ANKRD36B: variants seen among roughly 807,000 people sequenced by gnomAD.
ANKRD36B encodes the protein ankyrin repeat domain 36B, also known as ankyrin repeat domain-containing protein 36B.
Under a neutral mutation model 135.7 loss-of-function variants are expected in ANKRD36B, and 37 were observed. The ratio of observed to expected loss-of-function variants is 0.27; its 90% CI spans 0.21 to 0.36. The LOEUF is 0.36. ANKRD36B is among the 10% of genes least tolerant of loss of function. The probability of loss-of-function intolerance (pLI) is 1.00; values close to 1 mark genes in which losing one functional copy is unlikely to be tolerated. For synonymous variants in ANKRD36B, 179 were observed against 348.1 expected (o/e 0.51, Z 5.41); for missense variants, 549 against 1,037.1 (o/e 0.53, Z 6.46).
chr2:97,568,176 T>C (rs1306451742), intron 6 of ANKRD36B, among the ~76,000 whole-genome samples: 1 of 152,026 alleles, frequency 6.6e-6, no homozygotes, highest in Non-Finnish European at 1.5e-5. Context: ...ATTGTACACA[T>C]AGAGTTCAGC....
chr2:97,588,373 A>G (rs1270869025), intron 1 of ANKRD36B, among the ~76,000 whole-genome samples: 1 of 151,936 alleles, frequency 6.6e-6, no homozygotes, highest in Admixed American at 6.6e-5. Context: ...CAAAAACCGC[A>G]ATTGCTTTTG....
intron 20 of ANKRD36B, among the ~76,000 whole-genome samples, chr2:97,548,058 C>G (rs553734877): frequency 5.3e-5 from 8 of 151,782 alleles, no homozygotes; most frequent in African/African-American, 1.9e-4. Context: ...ACTCATACAC[C>G]TGAGAATCAA....
Position 97,528,539 on chromosome 2 carries a change from G to T in ANKRD36B, c.2265+3772C>A, listed in dbSNP as rs2078358239. Among the ~76,000 whole-genome samples the T allele has an allele frequency of 2.2e-5, 2 of 91,556 alleles. 1 individual carries two copies. Among genetic ancestry groups the T allele is most frequent in the Non-Finnish European group, 5.8e-5 (2 of 34,552 alleles). 60.1% of individuals were successfully genotyped at this position (91,556 alleles called of 152,430 possible). A position where few individuals can be genotyped will look rare whatever the true frequency, so the allele number is the denominator to read the frequency against. On this transcript the variant is annotated intron_variant, in intron 35 of 43. Transcript: ENST00000359901. ...ACATTCAAAAGCTAGCAGAAGGCAA[G>T]AAATAACTAAAATCAGAGCAGAACT... is the stretch of plus-strand genomic sequence containing the variant.
rs1361853983 is a variant in ANKRD36B at position 97,539,156 on chromosome 2, A to T, written c.1988-793T>A. On this transcript the variant is annotated intron_variant, in intron 30 of 43. Coordinates refer to ENST00000359901, the MANE Select transcript of ANKRD36B (RefSeq NM_001393939.1). ...ACATTTGGAAATCACTACAATATTC[A>T]TTGAAAATAACAATTTTAAAAGTCA... 1.0e-4 allele frequency among the ~76,000 whole-genome samples: 10 copies of T among 97,736 alleles called. 3 individuals carry two copies. The highest frequency in any genetic ancestry group is 3.1e-4 in the African/African-American group (10 of 32,678). The allele number at this position is 97,736 out of a possible 152,430, so 64.1% of individuals were successfully genotyped here. A position where few individuals can be genotyped will look rare whatever the true frequency, so the allele number is the denominator to read the frequency against.
chr2:97,551,201 G>A, intron 18 of ANKRD36B, 88 bp downstream of exon 18: 2 of 1,491,886 alleles, frequency 1.3e-6, no homozygotes, highest in South Asian at 1.2e-5. Flanking sequence ...AGAATGTGCA[G>A]CTTCGACCAG....
Position 97,553,050 on chromosome 2 carries a change from G to A in ANKRD36B, c.1273+118C>T. ...ACAAATGAAGACTCTCAGACCTGCT[G>A]GATCAGAATGTGCAGCTTCAGCGAG... On this transcript the variant is annotated intron_variant, in intron 16 of 43. Coordinates refer to ENST00000359901, the MANE Select transcript of ANKRD36B (RefSeq NM_001393939.1). 5.6e-6 allele frequency: 7 copies of A among 1,247,432 alleles called. No homozygotes were observed. In the South Asian group the frequency reaches 9.7e-5, roughly 17 times the overall value. 77.3% of individuals were successfully genotyped at this position (1,247,432 alleles called of 1,614,324 possible).
chr2:97,494,128 C>A (rs533216920), intron 43 of ANKRD36B, among the ~76,000 whole-genome samples: 1 of 106,226 alleles, frequency 9.4e-6, no homozygotes, highest in African/African-American at 2.6e-5. Context: ...AGCAAAACCC[C>A]ACTCCTTGGT....
intron 6 of ANKRD36B, among the ~76,000 whole-genome samples, chr2:97,574,078 A>G (rs2082065845): frequency 6.6e-6 from 1 of 152,202 alleles, no homozygotes; most frequent in Non-Finnish European, 1.5e-5. Context: ...CAGCAAAAGA[A>G]ACTACCATCA....
intron 24 of ANKRD36B, among the ~76,000 whole-genome samples, chr2:97,544,505 T>C (rs1316505298): frequency 1.0e-5 from 1 of 95,264 alleles, no homozygotes; most frequent in Non-Finnish European, 2.8e-5. Flanking sequence ...GTGTCCTAAA[T>C]TGATCAGCTT....
chr2:97,584,353 CAA>C (rs2082828687), intron 3 of ANKRD36B, among the ~76,000 whole-genome samples: 2 of 117,132 alleles, frequency 1.7e-5, no homozygotes, highest in Non-Finnish European at 3.3e-5. Context: ...AAACAAACAA[CAA>C]AACACACAAA....
At chr2:97,554,373 AT>A (rs775160355) in intron 14 of ANKRD36B, among the ~76,000 whole-genome samples, 96 of 152,114 alleles carry the variant, frequency 6.3e-4, no homozygotes, top group Non-Finnish European at 1.1e-3. Context: ...AACAAAAGAT[AT>A]ATATCTTATG....
intron 6 of ANKRD36B, among the ~76,000 whole-genome samples, chr2:97,572,279 C>A (rs2081930373): frequency 1.1e-5 from 1 of 90,846 alleles, no homozygotes; most frequent in African/African-American, 3.3e-5. Flanking sequence ...AAGACTCAAT[C>A]TCAAAAAAAA....
chr2:97,556,404 A>G (rs2080524806), intron 12 of ANKRD36B, among the ~76,000 whole-genome samples: 1 of 151,860 alleles, frequency 6.6e-6, no homozygotes, highest in Admixed American at 6.6e-5. Context: ...GAGTTCACTC[A>G]GGTTTCCTCA....
At chr2:97,529,896 A>T (rs2078467727) in intron 35 of ANKRD36B, among the ~76,000 whole-genome samples, 1 of 96,158 alleles carries the variant, frequency 1.0e-5, no homozygotes, top group African/African-American at 3.1e-5. Context: ...TGCTCAAGGA[A>T]ATAAAAGAGG....
rs568789619 is a variant in ANKRD36B, at chr2:97,527,239, G to C, written c.2266-3772C>G. Among the ~76,000 whole-genome samples, 20 of 95,584 alleles carry C rather than the reference G, an allele frequency of 2.1e-4. 5 individuals are homozygous for C. Among genetic ancestry groups the C allele is most frequent in the Middle Eastern group, 5.2e-3 (1 of 194 alleles). 62.7% of individuals were successfully genotyped at this position (95,584 alleles called of 152,430 possible). A position where few individuals can be genotyped will look rare whatever the true frequency, so the allele number is the denominator to read the frequency against. On this transcript the variant is annotated intron_variant, in intron 35 of 43. Transcript: ENST00000359901. ...AACTCTACAAACCAGAAGAGAGTGG[G>C]GGCCAATATTCAACATTCTTAAAGA...
chr2:97,529,728 A>G (rs1424999843), intron 35 of ANKRD36B, among the ~76,000 whole-genome samples: 2 of 94,794 alleles, frequency 2.1e-5, no homozygotes, highest in African/African-American at 6.2e-5. Context: ...AAATCAATGT[A>G]CAAAAATCAC....
intron 6 of ANKRD36B, among the ~76,000 whole-genome samples, chr2:97,565,818 G>A (rs2081380971): frequency 6.6e-6 from 1 of 151,882 alleles, no homozygotes; most frequent in South Asian, 2.1e-4. Context: ...TCTAGAACCG[G>A]AAATACCATT....
rs1292943874 is a variant in ANKRD36B, at chr2:97,547,579, C to A, written c.1536G>T (p.Leu512Phe). The A allele has an allele frequency of 2.6e-6, 4 of 1,565,308 alleles. No individual in the cohort carries two copies. The highest frequency in any genetic ancestry group is 2.3e-5 in the East Asian group (1 of 44,068). Residue 512 changes from leucine to phenylalanine, a missense_variant, in exon 22 of 44, where the codon TTG (leucine) becomes TTT (phenylalanine). Transcript: ENST00000359901. ...KATRDEKDSL[L>F]NIARGKKDGE... is the part of the protein sequence containing the mutation. ...CATCTTTTTTTCCTCTGGCTATATT[C>A]AAAAGAGAATCTTTCTCGTCTCTTG...
chr2:97,535,852 G>A (rs2078859899), intron 34 of ANKRD36B, among the ~76,000 whole-genome samples: 1 of 93,386 alleles, frequency 1.1e-5, no homozygotes, highest in African/African-American at 3.2e-5. Flanking sequence ...GATCACCTGA[G>A]GTCGAGAGCT....
Sources: allele counts gnomAD v4.1 joint callset (sites outside exome capture counted in the v4.1 genomes callset), GRCh38; gene constraint gnomAD v4.1.1; transcripts MANE v1.5; gene names NCBI Gene and HGNC (gene_info 2026-07-23, HGNC 2026-07-21).